The following EXOC6B variants were observed in gnomAD, a reference collection of about 807,000 sequenced individuals.
EXOC6B encodes the protein SEC15 homolog B.
A neutral mutation model predicts 113.5 loss-of-function variants in EXOC6B; 54 were observed. The observed-to-expected ratio is 0.48, with a 90% CI of 0.38 to 0.60. The LOEUF (loss-of-function observed/expected upper bound fraction) is 0.60, where lower values mean the gene tolerates loss of function less well. Ranked by LOEUF, EXOC6B falls within the 20% of genes least tolerant of loss-of-function variation. The probability of loss-of-function intolerance (pLI) is 0.00; values close to 1 mark genes in which losing one functional copy is unlikely to be tolerated. For synonymous variants in EXOC6B, 357 were observed against 339.0 expected (o/e 1.05, Z -0.58); for missense variants, 797 against 977.5 (o/e 0.82, Z 2.46).
At chr2:72,667,378 T>C (rs2104477129) in intron 6 of EXOC6B, among the ~76,000 whole-genome samples, 1 of 152,234 alleles carries the variant, frequency 6.6e-6, no homozygotes, top group African/African-American at 2.4e-5. Context: ...AAACCTATTC[T>C]AAAATTCATA....
intron 17 of EXOC6B, among the ~76,000 whole-genome samples, 199 bp downstream of exon 17, chr2:72,480,417 C>T (rs942132366): frequency 5.3e-5 from 8 of 152,078 alleles, no homozygotes; most frequent in Admixed American, 1.3e-4. Context: ...CATTTTGTTT[C>T]GTTTTGTTTA....
intron 1 of EXOC6B, among the ~76,000 whole-genome samples, chr2:72,785,453 T>C (rs1684319300): frequency 1.3e-5 from 2 of 152,274 alleles, no homozygotes. Context: ...GACCTGCCCC[T>C]GCAGCAAACT....
At chr2:72,604,978 G>A (rs147025652) in intron 6 of EXOC6B, among the ~76,000 whole-genome samples, 9 of 152,194 alleles carry the variant, frequency 5.9e-5, no homozygotes, top group Non-Finnish European at 1.2e-4. Context: ...GCAAAACACA[G>A]CCTATAAAGA....
chr2:72,493,332 C>A (rs996870591), intron 15 of EXOC6B, among the ~76,000 whole-genome samples: 1 of 140,284 alleles, frequency 7.1e-6, no homozygotes, highest in Admixed American at 6.9e-5. Context: ...CCCCCCCCCC[C>A]CCGCATTTTT....
intron 6 of EXOC6B, among the ~76,000 whole-genome samples, chr2:72,639,192 C>T (rs1242388412): frequency 6.6e-6 from 1 of 152,192 alleles, no homozygotes; most frequent in Non-Finnish European, 1.5e-5. Flanking sequence ...AGTGTTCCCC[C>T]TGCCAACCAG....
intron 6 of EXOC6B, among the ~76,000 whole-genome samples, chr2:72,648,766 G>A (rs558688509): frequency 9.9e-5 from 15 of 152,264 alleles, no homozygotes; most frequent in African/African-American, 7.2e-5. Flanking sequence ...GGATGGAACC[G>A]GAAGTCATTA....
At chr2:72,479,615 A>G (rs1361480820) in intron 17 of EXOC6B, among the ~76,000 whole-genome samples, 1 of 152,240 alleles carries the variant, frequency 6.6e-6, no homozygotes, top group Non-Finnish European at 1.5e-5. Flanking sequence ...TAAGTAGCCT[A>G]TATGTTAGAT....
chr2:72,761,384 C>T (rs1682733723), intron 1 of EXOC6B, among the ~76,000 whole-genome samples: 1 of 152,138 alleles, frequency 6.6e-6, no homozygotes, highest in Non-Finnish European at 1.5e-5. Flanking sequence ...AACAAAGTTG[C>T]TTGCCAATAA....
chr2:72,368,897 C>T, intron 19 of EXOC6B, among the ~76,000 whole-genome samples: 1 of 152,182 alleles, frequency 6.6e-6, no homozygotes, highest in East Asian at 1.9e-4. Flanking sequence ...GACAAACCCA[C>T]AGCCAATATC....
At chr2:72,426,155 G>A (rs1372882478) in intron 18 of EXOC6B, among the ~76,000 whole-genome samples, 2 of 152,080 alleles carry the variant, frequency 1.3e-5, no homozygotes, top group Non-Finnish European at 2.9e-5. Flanking sequence ...AACTCATTAA[G>A]AACATCTGCT....
intron 20 of EXOC6B, among the ~76,000 whole-genome samples, chr2:72,305,013 C>A (rs1357661927): frequency 1.3e-5 from 2 of 152,088 alleles, no homozygotes; most frequent in African/African-American, 2.4e-5. Flanking sequence ...TCAAGAAGTT[C>A]CTGAGAGGTA....
chr2:72,665,232 G>A (rs1388277571), intron 6 of EXOC6B, among the ~76,000 whole-genome samples: 1 of 152,086 alleles, frequency 6.6e-6, no homozygotes, highest in East Asian at 1.9e-4. Context: ...GAGTGGACCT[G>A]GTGAAAGAGT....
chr2:72,370,687 A>T (rs541776613), intron 19 of EXOC6B, among the ~76,000 whole-genome samples: 3 of 152,194 alleles, frequency 2.0e-5, no homozygotes, highest in Admixed American at 6.5e-5. Flanking sequence ...CAGCCATAAA[A>T]TATGATGAGT....
At chr2:72,491,962 C>T (rs564755288) in intron 16 of EXOC6B, among the ~76,000 whole-genome samples, 2 of 152,240 alleles carry the variant, frequency 1.3e-5, no homozygotes, top group South Asian at 2.1e-4. Context: ...TCATATTCTA[C>T]GTTGTACATG....
rs1455190748 is a variant in EXOC6B at position 72,671,797 on chromosome 2, AAGAAAG to A, written c.669+46300_669+46305del. ...AAAGAAAGAAAGAAAGAAAGAAAGAAAGAAAGAAAGAAAGAAAGAAAGAAGAGAAAA... is the reference window on the plus strand; with the variant it reads ...AAAGAAAGAAAGAAAGAAAGAAAGAAAAAGAAAGAAAGAAAGAAGAGAAAA... On this transcript the variant is annotated intron_variant, in intron 6 of 21. Coordinates refer to ENST00000272427, the MANE Select transcript of EXOC6B (RefSeq NM_015189.3). Among the ~76,000 whole-genome samples the A allele has an allele frequency of 3.4e-4, 47 of 138,000 alleles. 1 individual carries two copies. Among genetic ancestry groups the A allele is most frequent in the Admixed American group, 8.8e-4 (12 of 13,656 alleles). 90.5% of individuals were successfully genotyped at this position (138,000 alleles called of 152,430 possible).
intron 1 of EXOC6B, among the ~76,000 whole-genome samples, chr2:72,797,361 C>A (rs139244042): frequency 1.3e-5 from 2 of 152,144 alleles, no homozygotes; most frequent in African/African-American, 2.4e-5. Flanking sequence ...AGCTAAAGAA[C>A]TTCCTATTTT....
At chr2:72,368,440 G>T (rs889042598) in intron 19 of EXOC6B, among the ~76,000 whole-genome samples, 4 of 150,580 alleles carry the variant, frequency 2.7e-5, no homozygotes, top group South Asian at 2.1e-4. Context: ...GAGGTACAAG[G>T]AGGAGCTGGT....
At chr2:72,395,961 A>G (rs1409622956) in intron 18 of EXOC6B, among the ~76,000 whole-genome samples, 1 of 152,108 alleles carries the variant, frequency 6.6e-6, no homozygotes, top group East Asian at 1.9e-4. Context: ...GGAAATTTAA[A>G]AGGAAATTTT....
chr2:72,261,984 C>T (rs1386979020), intron 20 of EXOC6B, among the ~76,000 whole-genome samples: 6 of 152,164 alleles, frequency 3.9e-5, no homozygotes, highest in Non-Finnish European at 8.8e-5. Context: ...AGATTACTTG[C>T]TCACATTTAC....
Sources: gnomAD v4.1 joint callset for allele counts (sites outside exome capture counted in the v4.1 genomes callset) on GRCh38, gnomAD v4.1.1 for gene constraint, MANE v1.5 for transcripts, NCBI Gene and HGNC (gene_info 2026-07-23, HGNC 2026-07-21) for gene names.